The following MAMLD1 variants were observed in gnomAD, a reference collection of about 807,000 sequenced individuals.
MAMLD1 encodes the protein mastermind like domain containing 1, also known as mastermind-like domain-containing protein 1.
Under a neutral mutation model 45.0 loss-of-function variants are expected in MAMLD1, and 14 were observed. The observed-to-expected ratio is 0.31, with a 90% CI of 0.21 to 0.49. The LOEUF (loss-of-function observed/expected upper bound fraction) is 0.49, where lower values mean the gene tolerates loss of function less well. Ranked by LOEUF, MAMLD1 falls within the 20% of genes least tolerant of loss-of-function variation. The pLI is 0.99. For synonymous variants in MAMLD1, 254 were observed against 247.8 expected, an observed-to-expected ratio of 1.02 and a Z score of -0.24; for missense variants, 543 against 603.6, an observed-to-expected ratio of 0.90 and a Z score of 1.05.
rs141492913 is a variant in MAMLD1, at chrX:150,483,432, C to A, written c.2040+9630C>A. On this transcript the variant is annotated intron_variant, in intron 5 of 7. Coordinates refer to ENST00000370401, the MANE Select transcript of MAMLD1 (RefSeq NM_005491.5). ...GAGTAGAATATAGAGGGGAATGAAC[C>A]AATGAATGAGCTGTATCTGCTAGCC... 1.0e-3 allele frequency among the ~76,000 whole-genome samples: 114 copies of A among 112,607 alleles called. No homozygotes were observed. The East Asian group carries it at 0.027, about 27-fold the overall frequency.
intron 5 of MAMLD1, among the ~76,000 whole-genome samples, chrX:150,498,244 G>A (rs2037447666): frequency 9.0e-6 from 1 of 111,583 alleles, no homozygotes; most frequent in Non-Finnish European, 1.9e-5. Flanking sequence ...ATATGGTGGA[G>A]GTATTATTGT....
Position 150,494,199 on chromosome X carries a change from G to T in MAMLD1, c.2041-9075G>T, listed in dbSNP as rs181197685. 1.1e-3 allele frequency among the ~76,000 whole-genome samples: 117 copies of T among 110,644 alleles called. 1 individual carries two copies. The highest frequency in any genetic ancestry group is 1.7e-3 in the East Asian group (6 of 3,460). ...TCACGAGATCAGAAGTTCGAGACCA[G>T]CCTGGCCAAGATGGTGAAACCCAGT... On this transcript the variant is annotated intron_variant, in intron 5 of 7. Transcript: ENST00000370401.
intron 5 of MAMLD1, among the ~76,000 whole-genome samples, chrX:150,479,958 T>C (rs10127356): frequency 0.029 from 3,208 of 111,140 alleles, 41 homozygotes; most frequent in Non-Finnish European, 0.045. Flanking sequence ...CCAAGGGGAA[T>C]CAAAGACGTG....
intron 5 of MAMLD1, among the ~76,000 whole-genome samples, chrX:150,482,853 TG>T (rs1164944648): frequency 8.9e-6 from 1 of 111,896 alleles, no homozygotes; most frequent in African/African-American, 3.3e-5. Context: ...AATACGTAGG[TG>T]GGGGAAACAA....
intron 6 of MAMLD1, chrX:150,504,573 AG>A: frequency 3.8e-6 from 2 of 520,637 alleles, no homozygotes; most frequent in Non-Finnish European, 4.7e-6. Context: ...TCCAGCACAA[AG>A]CTGCCAGGGA....
intron 1 of MAMLD1, among the ~76,000 whole-genome samples, chrX:150,381,035 G>C (rs1023972620): frequency 9.0e-6 from 1 of 110,690 alleles, no homozygotes; most frequent in Non-Finnish European, 1.9e-5. Context: ...CCCAGCTATC[G>C]CAGCCCCATT....
At chrX:150,397,657 G>A (rs782402405) in intron 1 of MAMLD1, among the ~76,000 whole-genome samples, 5 of 111,286 alleles carry the variant, frequency 4.5e-5, no homozygotes, top group Non-Finnish European at 9.4e-5. Context: ...AACTCAATGT[G>A]TGCAAAGGTC....
At chrX:150,416,443 T>C (rs2034250575) in intron 1 of MAMLD1, among the ~76,000 whole-genome samples, 1 of 112,097 alleles carries the variant, frequency 8.9e-6, no homozygotes, top group African/African-American at 3.2e-5. Flanking sequence ...TCATGTCAGT[T>C]TTCCCTTCCA....
chrX:150,488,022 T>C (rs2037049977), intron 5 of MAMLD1, among the ~76,000 whole-genome samples: 1 of 112,813 alleles, frequency 8.9e-6, no homozygotes, highest in Non-Finnish European at 1.9e-5. Flanking sequence ...CCACAGTGTA[T>C]GATTATGCAT....
chrX:150,432,807 G>A (rs1557404116), intron 1 of MAMLD1, among the ~76,000 whole-genome samples: 1 of 112,268 alleles, frequency 8.9e-6, no homozygotes, highest in African/African-American at 3.2e-5. Flanking sequence ...ATGCTGTTTT[G>A]GGTACTGTAG....
chrX:150,460,327 GAACAA>G (rs200633772), intron 2 of MAMLD1, among the ~76,000 whole-genome samples: 2,447 of 111,906 alleles, frequency 0.022, 81 homozygotes, highest in African/African-American at 0.075. Context: ...ACATTCCCCT[GAACAA>G]AGATCCTCAC....
intron 3 of MAMLD1, among the ~76,000 whole-genome samples, chrX:150,466,616 G>C (rs983750711): frequency 1.8e-5 from 2 of 112,427 alleles, no homozygotes; most frequent in African/African-American, 3.2e-5. Flanking sequence ...AGTGGCATCC[G>C]CTCCAGCAGT....
intron 3 of MAMLD1, among the ~76,000 whole-genome samples, chrX:150,465,194 G>T (rs1203770456): frequency 4.5e-5 from 5 of 112,078 alleles, no homozygotes; most frequent in Non-Finnish European, 7.5e-5. Context: ...ATAACAGCCT[G>T]CCAGACTTCT....
intron 3 of MAMLD1, among the ~76,000 whole-genome samples, chrX:150,467,752 G>A (rs1040232003): frequency 2.7e-5 from 3 of 112,009 alleles, no homozygotes; most frequent in Admixed American, 9.4e-5. Context: ...ATCTGACCTG[G>A]GCCTTGTTGC....
intron 1 of MAMLD1, among the ~76,000 whole-genome samples, chrX:150,365,775 T>C (rs182616671): frequency 3.6e-5 from 4 of 112,669 alleles, no homozygotes; most frequent in Non-Finnish European, 7.5e-5. Context: ...CCGGGGTTCG[T>C]GTAGCCTAGG....
At chrX:150,398,254 GAAGAAGAAGAAGAAGA>G (rs2033518840) in intron 1 of MAMLD1, among the ~76,000 whole-genome samples, 4 of 21,874 alleles carry the variant, frequency 1.8e-4, no homozygotes, top group Admixed American at 1.0e-3. Context: ...AGGAGAAGGA[GAAGAAGAAGAAGAAGA>G]AGAAGAAGAA....
At chrX:150,473,591 A>G in intron 4 of MAMLD1, 89 bp from the exon 5 acceptor site, 2 of 934,381 alleles carry the variant, frequency 2.1e-6, no homozygotes, top group Non-Finnish European at 3.1e-6. Flanking sequence ...CGGTGTGGAG[A>G]TAGGCAAAGC....
At chrX:150,365,842 A>C (rs1557400708) in intron 1 of MAMLD1, among the ~76,000 whole-genome samples, 1 of 112,714 alleles carries the variant, frequency 8.9e-6, no homozygotes, top group Non-Finnish European at 1.9e-5. Flanking sequence ...CTGCCTCTGC[A>C]CCTAACCCAG....
chrX:150,400,978 G>T (rs12400342), intron 1 of MAMLD1, among the ~76,000 whole-genome samples: 25,931 of 109,330 alleles, frequency 0.24, 2,444 homozygotes, highest in Non-Finnish European at 0.26. Context: ...CTCATAAAAC[G>T]AGTTAGGGAG....
Sources: allele counts gnomAD v4.1 joint callset (sites outside exome capture counted in the v4.1 genomes callset), GRCh38; gene constraint gnomAD v4.1.1; transcripts MANE v1.5; gene names NCBI Gene and HGNC (gene_info 2026-07-23, HGNC 2026-07-21).